The following ACSS3 variants were observed in gnomAD, a reference collection of about 807,000 sequenced individuals.
The protein encoded by ACSS3 is acyl-CoA synthetase short chain family member 3.
In ACSS3, 64 loss-of-function variants were observed where a neutral mutation model predicts 84.2. The observed-to-expected ratio is 0.76, with a 90% CI of 0.62 to 0.94. The LOEUF (loss-of-function observed/expected upper bound fraction) is 0.94. Ranked by LOEUF, ACSS3 falls within the 40% of genes least tolerant of loss-of-function variation. The pLI, the probability that ACSS3 is intolerant of heterozygous loss-of-function variation, is 0.00. For synonymous variants in ACSS3, 317 were observed against 310.1 expected, an observed-to-expected ratio of 1.02 and a Z score of -0.23; for missense variants, 815 against 867.6, an observed-to-expected ratio of 0.94 and a Z score of 0.76.
chr12:81,204,837 GTTGT>G (rs1298831512), intron 9 of ACSS3, among the ~76,000 whole-genome samples: 2 of 152,090 alleles, frequency 1.3e-5, no homozygotes, highest in East Asian at 1.9e-4. Flanking sequence ...AGGTGATTTT[GTTGT>G]TTGTTTGTTT....
chr12:81,078,522 T>A, intron 1 of ACSS3, 91 bp downstream of exon 1: 2 of 1,419,280 alleles, frequency 1.4e-6, no homozygotes, highest in Non-Finnish European at 1.9e-6. Flanking sequence ...TGGCATTCTA[T>A]CACGAAAGAA....
intron 7 of ACSS3, among the ~76,000 whole-genome samples, chr12:81,153,419 A>G (rs1016054305): frequency 6.6e-6 from 1 of 152,106 alleles, no homozygotes; most frequent in African/African-American, 2.4e-5. Flanking sequence ...AAAAAAAAAA[A>G]AAAAGGTGAA....
At chr12:81,101,308 T>A (rs1160936237) in intron 1 of ACSS3, among the ~76,000 whole-genome samples, 2 of 152,306 alleles carry the variant, frequency 1.3e-5, no homozygotes, top group East Asian at 3.9e-4. Context: ...TTAAAATTTA[T>A]ATTTTTTATT....
At chr12:81,160,209 GTCT>G (rs1887080776) in intron 7 of ACSS3, among the ~76,000 whole-genome samples, 1 of 152,194 alleles carries the variant, frequency 6.6e-6, no homozygotes, top group Non-Finnish European at 1.5e-5. Flanking sequence ...TGTAATAACA[GTCT>G]TCTTTTCCAG....
chr12:81,152,761 A>G lies in ACSS3; in HGVS notation c.1098+665A>G, dbSNP rs150718589. ...GGGATAACTAATATGGTAGTTTGCT[A>G]AATTATCATTCAAAATGGCCTTGGA... On this transcript the variant is annotated intron_variant, in intron 7 of 15. Transcript: ENST00000548058. Among the ~76,000 whole-genome samples, 1,139 of 152,276 alleles carry G rather than the reference A, an allele frequency of 7.5e-3. 17 individuals are homozygous for G. The highest frequency in any genetic ancestry group is 0.026 in the African/African-American group (1,060 of 41,552).
At chr12:81,123,415 T>G (rs1047665944) in intron 2 of ACSS3, among the ~76,000 whole-genome samples, 1 of 152,216 alleles carries the variant, frequency 6.6e-6, no homozygotes, top group Non-Finnish European at 1.5e-5. Flanking sequence ...TCTTATACAG[T>G]GCAATAAAAC....
At chr12:81,194,676 A>C (rs1291144126) in intron 8 of ACSS3, among the ~76,000 whole-genome samples, 1 of 152,038 alleles carries the variant, frequency 6.6e-6, no homozygotes, top group Non-Finnish European at 1.5e-5. Flanking sequence ...AAAGAACAGT[A>C]AACAAGTTTA....
intron 9 of ACSS3, among the ~76,000 whole-genome samples, chr12:81,207,298 C>T (rs1332073124): frequency 6.6e-6 from 1 of 152,166 alleles, no homozygotes; most frequent in Non-Finnish European, 1.5e-5. Context: ...ACTGCCCCCA[C>T]AAAACAATTC....
At chr12:81,092,958 A>G (rs1474294354) in intron 1 of ACSS3, among the ~76,000 whole-genome samples, 1 of 152,114 alleles carries the variant, frequency 6.6e-6, no homozygotes, top group African/African-American at 2.4e-5. Flanking sequence ...TATTTAGTGT[A>G]GTTGGATTTA....
At chr12:81,239,955 G>A (rs1185104502) in intron 13 of ACSS3, among the ~76,000 whole-genome samples, 2 of 151,938 alleles carry the variant, frequency 1.3e-5, no homozygotes, top group African/African-American at 2.4e-5. Flanking sequence ...CTAGAAGGGA[G>A]GAATTAGGAA....
chr12:81,169,088 A>G (rs1185163658), intron 7 of ACSS3, among the ~76,000 whole-genome samples: 1 of 152,160 alleles, frequency 6.6e-6, no homozygotes, highest in Non-Finnish European at 1.5e-5. Context: ...AAATCATCCC[A>G]AGAAGTTCTA....
At chr12:81,178,766 G>T (rs2030685814) in intron 8 of ACSS3, among the ~76,000 whole-genome samples, 1 of 152,070 alleles carries the variant, frequency 6.6e-6, no homozygotes, top group Non-Finnish European at 1.5e-5. Context: ...AGTTACCAAT[G>T]ACACTTTTCA....
At chr12:81,247,393 G>T (rs2034016915) in intron 13 of ACSS3, among the ~76,000 whole-genome samples, 1 of 152,064 alleles carries the variant, frequency 6.6e-6, no homozygotes, top group South Asian at 2.1e-4. Flanking sequence ...GTGTTTTAAT[G>T]CTTCTACTGA....
chr12:81,132,068 G>A (rs1216973599), intron 2 of ACSS3, among the ~76,000 whole-genome samples: 3 of 152,118 alleles, frequency 2.0e-5, no homozygotes, highest in Admixed American at 6.5e-5. Context: ...TGTTCATCAG[G>A]GATATTGGTC....
chr12:81,120,855 A>G (rs984693272), intron 2 of ACSS3, among the ~76,000 whole-genome samples: 2 of 152,228 alleles, frequency 1.3e-5, no homozygotes, highest in African/African-American at 2.4e-5. Context: ...TTTCATTTCC[A>G]TTACAAAGCT....
At chr12:81,145,312 C>T (rs143826968) in intron 5 of ACSS3, among the ~76,000 whole-genome samples, 75 of 152,106 alleles carry the variant, frequency 4.9e-4, no homozygotes, top group African/African-American at 1.8e-3. Flanking sequence ...TCCTAATGTA[C>T]CATCCTGAGA....
rs1434088880 is a variant in ACSS3 at position 81,253,304 on chromosome 12, C to T, written c.1720-3C>T. On this transcript the variant is annotated splice_region_variant and splice_polypyrimidine_tract_variant and intron_variant, in intron 13 of 15. Coordinates refer to ENST00000548058, the MANE Select transcript of ACSS3 (RefSeq NM_024560.4). Reference sequence around the variant, plus strand: ...TCTAAATGAATGCCTTTCCTTATTACAGTCAATCCTTTCCCATGGTACCGT... The same window carrying T: ...TCTAAATGAATGCCTTTCCTTATTATAGTCAATCCTTTCCCATGGTACCGT... 2.5e-6 allele frequency: 4 copies of T among 1,613,040 alleles called. No homozygotes were observed. The African/African-American group carries it at 5.3e-5, about 22-fold the overall frequency.
chr12:81,186,734 A>C (rs1363305464), intron 8 of ACSS3, among the ~76,000 whole-genome samples: 1 of 151,864 alleles, frequency 6.6e-6, no homozygotes, highest in African/African-American at 2.4e-5. Context: ...TGTAGAGTAA[A>C]GGAAACTCTT....
intron 1 of ACSS3, 84 bp downstream of exon 1, chr12:81,078,515 C>A: frequency 6.9e-7 from 1 of 1,445,068 alleles, no homozygotes; most frequent in Non-Finnish European, 9.4e-7. Context: ...TGGAATCTGG[C>A]ATTCTATCAC....
Sources: allele counts gnomAD v4.1 joint callset (sites outside exome capture counted in the v4.1 genomes callset), GRCh38; gene constraint gnomAD v4.1.1; transcripts MANE v1.5; gene names NCBI Gene and HGNC (gene_info 2026-07-23, HGNC 2026-07-21).